Variants in FUT2 observed in about 807,000 individuals in gnomAD.
FUT2 encodes the protein fucosyltransferase 2 (H blood group).
For synonymous variants in FUT2, 182 were observed against 193.1 expected (o/e 0.94, Z 0.48); for missense variants, 419 against 465.8 (o/e 0.90, Z 0.93).
intron 1 of FUT2, among the ~76,000 whole-genome samples, chr19:48,702,311 G>A (rs1239185426): frequency 6.6e-6 from 1 of 151,936 alleles, no homozygotes; most frequent in East Asian, 1.9e-4. Flanking sequence ...GGAGGCTAAG[G>A]CAGGAGGATT....
chr19:48,704,063 T>G lies in FUT2; in HGVS notation c.*75T>G. On this transcript the variant is annotated 3_prime_UTR_variant, in exon 2 of 2. Coordinates refer to ENST00000425340, the MANE Select transcript of FUT2 (RefSeq NM_000511.6). ...TGAGTGCCCGGGCATGAGAAGCACA[T>G]GGTTCCATGAGCAGGACCCATCTCT... 1 of 1,343,658 alleles carries G rather than the reference T, an allele frequency of 7.4e-7. No homozygotes were observed. Among genetic ancestry groups the G allele is most frequent in the Non-Finnish European group, 1.1e-6 (1 of 937,296 alleles). 83.2% of individuals were successfully genotyped at this position (1,343,658 alleles called of 1,614,324 possible).
In FUT2 at chr19:48,703,971, C is replaced by A. The variant is rs1266125424; in HGVS notation, c.1015C>A (p.Pro339Thr). ...GACAGGGATTGCCGCAGACCTGTCCCCCTTACTCAAGCACTAATGCTGGCC... is the reference window on the plus strand; with the variant it reads ...GACAGGGATTGCCGCAGACCTGTCCACCTTACTCAAGCACTAATGCTGGCC... ...EWTGIAADLS[P>T]LLKH Residue 339 changes from proline to threonine, a missense_variant, in exon 2 of 2, where the codon CCC becomes ACC. Transcript: ENST00000425340. 3.1e-6 allele frequency: 5 copies of A among 1,613,436 alleles called. No homozygotes were observed.
intron 1 of FUT2, among the ~76,000 whole-genome samples, chr19:48,697,568 C>T (rs2032437967): frequency 6.6e-6 from 1 of 151,994 alleles, no homozygotes; most frequent in South Asian, 2.1e-4. Flanking sequence ...GGGAGTGGTG[C>T]TTGGTTCAAG....
At chr19:48,700,493 AT>A (rs918697188) in intron 1 of FUT2, among the ~76,000 whole-genome samples, 2 of 151,622 alleles carry the variant, frequency 1.3e-5, no homozygotes, top group Admixed American at 6.6e-5. Flanking sequence ...CACCCGGCTA[AT>A]TTTTTTATAT....
intron 1 of FUT2, among the ~76,000 whole-genome samples, chr19:48,697,687 TTTGTTG>T (rs375531713): frequency 6.6e-6 from 1 of 151,752 alleles, no homozygotes; most frequent in African/African-American, 2.4e-5. Context: ...GGAGGTGTGG[TTTGTTG>T]TTGTTGTTGT....
chr19:48,698,500 G>A (rs995014957), intron 1 of FUT2, among the ~76,000 whole-genome samples: 1 of 151,816 alleles, frequency 6.6e-6, no homozygotes, highest in Non-Finnish European at 1.5e-5. Context: ...GTAGTGTAAT[G>A]GCACAATCGC....
chr19:48,702,925 C>T, intron 1 of FUT2, 30 bp from the exon 2 acceptor site: 1 of 1,610,730 alleles, frequency 6.2e-7, no homozygotes, highest in East Asian at 2.2e-5. Flanking sequence ...CATCTCCCAG[C>T]TAACGTGTCC....
rs1434525456 is a variant in FUT2 at position 48,703,220 on chromosome 19, G to A, written c.264G>A (p.Met88Ile). 1 of 1,613,256 alleles carries A rather than the reference G, an allele frequency of 6.2e-7. No individual in the cohort carries two copies. The highest frequency in any genetic ancestry group is 8.5e-7 in the Non-Finnish European group (1 of 1,180,002). ...CCACACTGTACGCCCTGGCCAAGAT[G>A]AACGGGCGGCCCGCCTTCATCCCGG... ...EYATLYALAK[M>I]NGRPAFIPAQ... Residue 88 changes from methionine to isoleucine, a missense_variant, in exon 2 of 2, where the codon ATG (methionine) becomes ATA (isoleucine). Transcript: ENST00000425340.
rs281377 is a variant in FUT2, at chr19:48,703,346, C to T, written c.390C>T (p.Asn130=). 727,172 of 1,612,590 alleles carry T rather than the reference C, an allele frequency of 0.45. 171,566 individuals carry two copies. The highest frequency in any genetic ancestry group is 0.85 in the East Asian group (37,903 of 44,846). The change falls in exon 2 of 2, where the codon AAC becomes AAT. Residue 130 remains asparagine (N), a synonymous_variant. Transcript: ENST00000425340. The part of the protein sequence containing the change: ...SRIPWQNYHL[N]DWMEEEYRHI... ...TCCCCTGGCAGAACTACCACCTGAA[C>T]GACTGGATGGAGGAGGAATACCGCC...
In FUT2 at chr19:48,703,051, T is replaced by C. The variant is rs1965354444; in HGVS notation, c.95T>C (p.Leu32Pro). Residue 32 changes from leucine (L) to proline (P), a missense_variant, in exon 2 of 2, where the codon CTA becomes CCA. Coordinates refer to ENST00000425340, the MANE Select transcript of FUT2 (RefSeq NM_000511.6). Reference sequence around the variant, plus strand: ...ACTATATTTCACGTTCAGCAGCGGCTAGCGAAGATTCAAGCCATGTGGGAG... The same window carrying C: ...ACTATATTTCACGTTCAGCAGCGGCCAGCGAAGATTCAAGCCATGTGGGAG... ...VSTIFHVQQR[L>P]AKIQAMWELP... 1 of 1,613,144 alleles carries C rather than the reference T, an allele frequency of 6.2e-7. No homozygotes were observed. The highest frequency in any genetic ancestry group is 1.7e-5 in the Admixed American group (1 of 60,010).
At chr19:48,697,692 T>C (rs2032440578) in intron 1 of FUT2, among the ~76,000 whole-genome samples, 1 of 152,002 alleles carries the variant, frequency 6.6e-6, no homozygotes, top group Non-Finnish European at 1.5e-5. Context: ...TGTGGTTTGT[T>C]GTTGTTGTTG....
intron 1 of FUT2, among the ~76,000 whole-genome samples, chr19:48,701,723 G>A (rs992324109): frequency 5.3e-5 from 8 of 151,870 alleles, no homozygotes; most frequent in South Asian, 2.1e-4. Context: ...GGCCGGGCGC[G>A]GTGGCTCACA....
At position 48,703,571 on chromosome 19, in the gene FUT2, T is replaced by A; in HGVS notation, c.615T>A (p.Tyr205Ter). 6.2e-7 allele frequency: 1 copy of A among 1,613,412 alleles called. No individual in the cohort carries two copies. Among genetic ancestry groups the A allele is most frequent in the Non-Finnish European group, 8.5e-7 (1 of 1,180,004 alleles). The change falls in exon 2 of 2, where the codon TAT (tyrosine) becomes TAA (stop). Residue 205 changes from tyrosine (Y) to a stop codon, truncating the protein, a stop_gained. Transcript: ENST00000425340. LOFTEE classifies it low-confidence loss of function (END_TRUNC). ...FVGVHVRRGD[Y>*]VHVMPKVWKG... The stretch of plus-strand genomic sequence containing the variant: ...GGGTCCATGTTCGCCGAGGGGACTA[T>A]GTCCATGTCATGCCAAAAGTGTGGA...
At chr19:48,702,868 T>C (rs907921937) in intron 1 of FUT2, 87 bp from the exon 2 acceptor site, 13 of 1,239,858 alleles carry the variant, frequency 1.0e-5, no homozygotes, top group Non-Finnish European at 1.5e-5. Flanking sequence ...ACCCACACTA[T>C]GCCTGCACAC....
chr19:48,703,642 G>A lies in FUT2; in HGVS notation c.686G>A (p.Trp229Ter), dbSNP rs868181916. 1.9e-6 allele frequency: 3 copies of A among 1,613,690 alleles called. No homozygotes were observed. The highest frequency in any genetic ancestry group is 2.5e-6 in the Non-Finnish European group (3 of 1,180,030). Residue 229 changes from tryptophan to a stop codon, truncating the protein, a stop_gained, in exon 2 of 2, where the codon TGG becomes TAG. Transcript: ENST00000425340. LOFTEE classifies it low-confidence loss of function (END_TRUNC). Reference protein sequence around the residue: ...DRRYLQQALDWFRARYSSLIF... With the variant: ...DRRYLQQALD ...CGATACCTACAGCAGGCCCTGGACTGGTTCCGAGCTCGCTACAGCTCCCTC... is the reference window on the plus strand; with the variant it reads ...CGATACCTACAGCAGGCCCTGGACTAGTTCCGAGCTCGCTACAGCTCCCTC...
chr19:48,703,994 G>GC lies in FUT2; in HGVS notation c.*9dup. ...CCCCCTTACTCAAGCACTAATGCTG[G>GC]CCCATTCTTTGAGACCTTTTCTCCT... On this transcript the variant is annotated 3_prime_UTR_variant, in exon 2 of 2. Transcript: ENST00000425340. 6.2e-7 allele frequency: 1 copy of GC among 1,612,854 alleles called. No homozygotes were observed. Among genetic ancestry groups the GC allele is most frequent in the Non-Finnish European group, 8.5e-7 (1 of 1,179,680 alleles).
chr19:48,701,682 A>G (rs1274428093), intron 1 of FUT2, among the ~76,000 whole-genome samples: 3 of 152,002 alleles, frequency 2.0e-5, no homozygotes, highest in Non-Finnish European at 2.9e-5. Flanking sequence ...TCTGGCAAGT[A>G]GGAAAATAAA....
At position 48,705,116 on chromosome 19, in the gene FUT2, T is replaced by C. The variant is rs868855781; in HGVS notation, c.*1128T>C. The C allele has an allele frequency of 1.7e-4, 38 of 223,772 alleles. 1 individual carries two copies. Among genetic ancestry groups the C allele is most frequent in the South Asian group, 2.0e-4 (1 of 5,012 alleles). The allele number at this position is 223,772 out of a possible 1,614,324, so 13.9% of individuals were successfully genotyped here. A position where few individuals can be genotyped will look rare whatever the true frequency, so the allele number is the denominator to read the frequency against. ...TTTTCTTTTCTTTTTCTTTTCTTTT[T>C]TTTTTTTTTTTTGAGATGGAGTCTT... On this transcript the variant is annotated 3_prime_UTR_variant, in exon 2 of 2. Coordinates refer to ENST00000425340, the MANE Select transcript of FUT2 (RefSeq NM_000511.6).
In FUT2 at chr19:48,702,039, A is replaced by G. The variant is rs139502723; in HGVS notation, c.-2-916A>G. On this transcript the variant is annotated intron_variant, in intron 1 of 1. Transcript: ENST00000425340. ...TGGATCACCAGTAAATAATAGCTAC[A>G]TATACTTGTACTCACCATATGTGGA... is the stretch of plus-strand genomic sequence containing the variant. Among the ~76,000 whole-genome samples, 202 of 152,094 alleles carry G rather than the reference A, an allele frequency of 1.3e-3. 1 individual carries two copies. Among genetic ancestry groups the G allele is most frequent in the African/African-American group, 4.8e-3 (200 of 41,552 alleles).
Sources: allele counts gnomAD v4.1 joint callset (sites outside exome capture counted in the v4.1 genomes callset), GRCh38; gene constraint gnomAD v4.1.1; transcripts MANE v1.5; gene names NCBI Gene and HGNC (gene_info 2026-07-23, HGNC 2026-07-21).